The following FHOD3 variants were observed in gnomAD, a reference collection of about 807,000 sequenced individuals.
The protein encoded by FHOD3 is FH1/FH2 domain-containing protein 3.
In FHOD3, 90 loss-of-function variants were observed where a neutral mutation model predicts 173.0. The ratio of observed to expected loss-of-function variants is 0.52; its 90% CI spans 0.44 to 0.62. The LOEUF is 0.62. Ranked by LOEUF, FHOD3 falls within the 20% of genes least tolerant of loss-of-function variation. FHOD3 has a pLI of 0.00. For synonymous variants in FHOD3, 828 were observed against 823.0 expected, an observed-to-expected ratio of 1.01 and a Z score of -0.10; for missense variants, 1,945 against 2,034.7, an observed-to-expected ratio of 0.96 and a Z score of 0.85.
At chr18:36,306,467 G>A (rs1318678582) in intron 1 of FHOD3, among the ~76,000 whole-genome samples, 2 of 152,198 alleles carry the variant, frequency 1.3e-5, no homozygotes, top group Admixed American at 1.3e-4. Context: ...GGAAAAGTTA[G>A]AACCAGATAT....
chr18:36,597,694 G>C (rs2030691310), intron 7 of FHOD3, among the ~76,000 whole-genome samples: 1 of 152,120 alleles, frequency 6.6e-6, no homozygotes, highest in African/African-American at 2.4e-5. Context: ...CCAGAGTGCT[G>C]GGATTACAGG....
chr18:36,310,212 G>C (rs1373161675), intron 1 of FHOD3, among the ~76,000 whole-genome samples: 3 of 152,204 alleles, frequency 2.0e-5, no homozygotes, highest in African/African-American at 7.2e-5. Context: ...AGTAGAGCTT[G>C]GCTATGTGGT....
chr18:36,310,856 A>G (rs1385174160), intron 1 of FHOD3, among the ~76,000 whole-genome samples: 2 of 152,090 alleles, frequency 1.3e-5, no homozygotes, highest in African/African-American at 4.8e-5. Context: ...TATGGGAGTC[A>G]GGATCAGGCT....
chr18:36,325,920 A>C (rs989313077), intron 1 of FHOD3, among the ~76,000 whole-genome samples: 3 of 152,240 alleles, frequency 2.0e-5, no homozygotes, highest in Non-Finnish European at 4.4e-5. Context: ...CATTGTCAGA[A>C]TCTGAACGAG....
chr18:36,338,609 T>C (rs1215786366), intron 1 of FHOD3, among the ~76,000 whole-genome samples: 2 of 152,202 alleles, frequency 1.3e-5, no homozygotes, highest in Non-Finnish European at 2.9e-5. Context: ...TGGATTTCTT[T>C]ATCCCTTAAG....
intron 3 of FHOD3, among the ~76,000 whole-genome samples, chr18:36,432,744 T>A (rs2050618877): frequency 6.6e-6 from 1 of 152,248 alleles, no homozygotes; most frequent in South Asian, 2.1e-4. Context: ...GAAAAGCAGA[T>A]GCTTAACTCA....
chr18:36,464,782 G>A (rs1490288084), intron 3 of FHOD3, among the ~76,000 whole-genome samples: 3 of 151,952 alleles, frequency 2.0e-5, no homozygotes, highest in African/African-American at 7.2e-5. Context: ...GTTGGTTTCA[G>A]AGGAAATAAG....
At chr18:36,758,057 T>C (rs1476111633) in intron 25 of FHOD3, among the ~76,000 whole-genome samples, 2 of 152,224 alleles carry the variant, frequency 1.3e-5, no homozygotes, top group Non-Finnish European at 2.9e-5. Flanking sequence ...ATTTTATATA[T>C]GTAGCACCTT....
chr18:36,299,903 C>T (rs1040382911), intron 1 of FHOD3, among the ~76,000 whole-genome samples: 1 of 152,088 alleles, frequency 6.6e-6, no homozygotes, highest in African/African-American at 2.4e-5. Flanking sequence ...AGTGAGCAAC[C>T]GACTTTATTG....
At chr18:36,705,159 A>C (rs963492686) in intron 17 of FHOD3, among the ~76,000 whole-genome samples, 2 of 152,192 alleles carry the variant, frequency 1.3e-5, no homozygotes, top group Non-Finnish European at 2.9e-5. Context: ...CAGAGCAGAC[A>C]TCACTGTCCT....
chr18:36,620,452 A>G (rs1421189355), intron 9 of FHOD3, among the ~76,000 whole-genome samples: 3 of 152,152 alleles, frequency 2.0e-5, no homozygotes, highest in Non-Finnish European at 4.4e-5. Context: ...ACTGCCATTC[A>G]TAGCTGATGA....
chr18:36,484,430 A>G lies in FHOD3; in HGVS notation c.338-17502A>G, dbSNP rs573702888. On this transcript the variant is annotated intron_variant, in intron 3 of 28. Coordinates refer to ENST00000590592, the MANE Select transcript of FHOD3 (RefSeq NM_001281740.3). ...TGAAATTCCTTTTTGGTTCATGGAG[A>G]TGCTAAAGGTGCTTCTCTGACTTAG... 5.9e-5 allele frequency among the ~76,000 whole-genome samples: 9 copies of G among 152,302 alleles called. No homozygotes were observed. In the South Asian group the frequency reaches 1.7e-3, roughly 28 times the overall value.
chr18:36,538,338 T>C (rs138489691), intron 5 of FHOD3, among the ~76,000 whole-genome samples: 89 of 152,110 alleles, frequency 5.9e-4, no homozygotes, highest in African/African-American at 2.1e-3. Context: ...AGAACAGAAA[T>C]CACTGACATT....
intron 5 of FHOD3, among the ~76,000 whole-genome samples, chr18:36,567,564 T>A (rs1470872267): frequency 1.3e-5 from 2 of 152,150 alleles, no homozygotes; most frequent in Non-Finnish European, 1.5e-5. Context: ...CCCAATAAAT[T>A]CAAGGATAAA....
intron 12 of FHOD3, 88 bp downstream of exon 12, chr18:36,653,017 C>T: frequency 7.0e-7 from 1 of 1,437,134 alleles, no homozygotes; most frequent in Non-Finnish European, 9.1e-7. Context: ...TTGGCTTCTG[C>T]CATGTTTTTT....
intron 3 of FHOD3, among the ~76,000 whole-genome samples, chr18:36,484,097 G>C (rs1008683130): frequency 1.3e-5 from 2 of 152,210 alleles, no homozygotes; most frequent in African/African-American, 4.8e-5. Flanking sequence ...GACGATTAAA[G>C]ATATCACATA....
In FHOD3 at chr18:36,742,850, A is replaced by T; in HGVS notation, c.3873A>T (p.Gly1291=). 1 of 1,612,458 alleles carries T rather than the reference A, an allele frequency of 6.2e-7. No homozygotes were observed. Reference sequence around the variant, plus strand: ...TAGCCATTGGGAACTTTCTAAATGGAACTAATGTAAGTCATCCCCATCCCT... The same window carrying T: ...TAGCCATTGGGAACTTTCTAAATGGTACTAATGTAAGTCATCCCCATCCCT... ...TLLAIGNFLN[G]TNAKAFELSY... is the part of the protein sequence containing the mutation. Residue 1291 remains glycine (G), a synonymous_variant, in exon 22 of 29, where the codon GGA becomes GGT. Coordinates refer to ENST00000590592, the MANE Select transcript of FHOD3 (RefSeq NM_001281740.3).
At chr18:36,723,505 C>T (rs1301042377) in intron 19 of FHOD3, among the ~76,000 whole-genome samples, 1 of 152,146 alleles carries the variant, frequency 6.6e-6, no homozygotes. Context: ...TCATTGCATC[C>T]TTGTAACTGT....
At chr18:36,735,611 G>C (rs185371326) in intron 20 of FHOD3, among the ~76,000 whole-genome samples, 1 of 152,080 alleles carries the variant, frequency 6.6e-6, no homozygotes. Flanking sequence ...TCATAAGAAT[G>C]AAAGAAGATA....
Sources: allele counts gnomAD v4.1 joint callset (sites outside exome capture counted in the v4.1 genomes callset), GRCh38; gene constraint gnomAD v4.1.1; transcripts MANE v1.5; gene names NCBI Gene and HGNC (gene_info 2026-07-23, HGNC 2026-07-21).